STON2: variants seen among roughly 807,000 people sequenced by gnomAD.
The protein encoded by STON2 is stonin 2, also known as stonin-2.
A neutral mutation model predicts 65.7 loss-of-function variants in STON2; 29 were observed. The observed-to-expected ratio is 0.44, with a 90% CI of 0.33 to 0.60. The LOEUF is 0.60. STON2 is among the 20% of genes least tolerant of loss of function. The probability of loss-of-function intolerance (pLI) is 0.03; values close to 1 mark genes in which losing one functional copy is unlikely to be tolerated. For synonymous variants in STON2, 404 were observed against 414.2 expected (o/e 0.98, Z 0.30); for missense variants, 1,054 against 1,118.1 (o/e 0.94, Z 0.82).
chr14:81,391,528 A>G (rs1219143425), intron 3 of STON2, among the ~76,000 whole-genome samples: 2 of 152,190 alleles, frequency 1.3e-5, no homozygotes, highest in Non-Finnish European at 2.9e-5. Flanking sequence ...GTTAAACACA[A>G]TCCATGGGAG....
At chr14:81,272,444 T>C (rs185111581) in intron 6 of STON2, among the ~76,000 whole-genome samples, 1 of 152,302 alleles carries the variant, frequency 6.6e-6, no homozygotes, top group African/African-American at 2.4e-5. Context: ...AACAGCCCCT[T>C]AGTTATCCCA....
At chr14:81,314,490 A>G (rs928979984) in intron 5 of STON2, among the ~76,000 whole-genome samples, 1 of 152,276 alleles carries the variant, frequency 6.6e-6, no homozygotes, top group Non-Finnish European at 1.5e-5. Flanking sequence ...AGCAACAAAG[A>G]GTGAACCAGG....
At chr14:81,429,539 T>A (rs1902139099) in intron 1 of STON2, among the ~76,000 whole-genome samples, 1 of 152,228 alleles carries the variant, frequency 6.6e-6, no homozygotes, top group Admixed American at 6.5e-5. Flanking sequence ...CTGAATGGCT[T>A]CATTTGTAGG....
rs111295780 is a variant in STON2, at chr14:81,406,499, T to A, written c.-198-7919A>T. On this transcript the variant is annotated intron_variant, in intron 2 of 8. Transcript: ENST00000553821. Reference sequence around the variant, plus strand: ...CTGCTTTTGGTCTACAATAGCAGAGTTGAGTAGCTGTGACAGATACTGTAT... The same window carrying A: ...CTGCTTTTGGTCTACAATAGCAGAGATGAGTAGCTGTGACAGATACTGTAT... 8.5e-3 allele frequency among the ~76,000 whole-genome samples: 1,298 copies of A among 152,180 alleles called. 12 individuals are homozygous for A. The highest frequency in any genetic ancestry group is 0.013 in the Non-Finnish European group (867 of 68,010).
chr14:81,430,568 A>G lies in STON2; in HGVS notation c.-309-3356T>C, dbSNP rs1439870257. On this transcript the variant is annotated intron_variant, in intron 1 of 8. Coordinates refer to the STON2 transcript ENST00000553821. Reference sequence around the variant, plus strand: ...TTAGTAGGCAGCCAGCTGGGGTGACAAAGGTTGTACACTATGAATGAAAAA... The same window carrying G: ...TTAGTAGGCAGCCAGCTGGGGTGACGAAGGTTGTACACTATGAATGAAAAA... 2.6e-5 allele frequency among the ~76,000 whole-genome samples: 4 copies of G among 152,194 alleles called. No individual in the cohort carries two copies. In the East Asian group the frequency reaches 7.7e-4, roughly 29 times the overall value.
At chr14:81,304,740 G>A (rs535962194) in intron 5 of STON2, among the ~76,000 whole-genome samples, 1 of 152,224 alleles carries the variant, frequency 6.6e-6, no homozygotes, top group South Asian at 2.1e-4. Context: ...AAAAAGGAAG[G>A]AAGGGAGGGA....
intron 2 of STON2, among the ~76,000 whole-genome samples, chr14:81,422,310 C>T (rs759970894): frequency 1.2e-4 from 18 of 152,164 alleles, no homozygotes; most frequent in Non-Finnish European, 2.2e-4. Context: ...CTTGTTTCTG[C>T]TGTCTTGCTA....
chr14:81,321,390 G>C (rs944938359), intron 5 of STON2, among the ~76,000 whole-genome samples: 8 of 140,474 alleles, frequency 5.7e-5, no homozygotes, highest in African/African-American at 2.2e-4. Flanking sequence ...AAAAAAAAAA[G>C]AATTCCAGAA....
Position 81,277,570 on chromosome 14 carries a change from C to T in STON2, c.1912G>A (p.Gly638Ser). ...ITVDVRDEFS[G>S]IVSKGDNQIL... is the part of the protein sequence containing the mutation. ...TGGTTGTCTCCTTTGCTCACAATGC[C>T]AGAGAATTCATCTCTGACATCCACT... Residue 638 changes from glycine (G) to serine (S), a missense_variant, in exon 6 of 8, where the codon GGC (glycine) becomes AGC (serine). By Grantham distance (56) the Gly-to-Ser change is moderately conservative (BLOSUM62 0). Transcript: ENST00000614646. 6.2e-7 allele frequency: 1 copy of T among 1,614,178 alleles called. No homozygotes were observed. Among genetic ancestry groups the T allele is most frequent in the South Asian group, 1.1e-5 (1 of 91,088 alleles).
At chr14:81,416,252 T>A (rs1288688345) in intron 2 of STON2, among the ~76,000 whole-genome samples, 1 of 152,210 alleles carries the variant, frequency 6.6e-6, no homozygotes, top group African/African-American at 2.4e-5. Flanking sequence ...TTACCATTAT[T>A]ATTTCTACCC....
chr14:81,405,460 G>GTT (rs376505307), intron 2 of STON2, among the ~76,000 whole-genome samples: 1,679 of 63,310 alleles, frequency 0.027, 67 homozygotes, highest in South Asian at 0.06. Flanking sequence ...AGTTACTATT[G>GTT]TTTTTTTTTT....
chr14:81,414,688 C>A (rs554976651), intron 2 of STON2, among the ~76,000 whole-genome samples: 1 of 151,928 alleles, frequency 6.6e-6, no homozygotes, highest in Non-Finnish European at 1.5e-5. Flanking sequence ...ATGTCCTCTA[C>A]GATAACTCTG....
intron 5 of STON2, among the ~76,000 whole-genome samples, chr14:81,308,636 T>G (rs1896273918): frequency 6.6e-6 from 1 of 151,742 alleles, no homozygotes; most frequent in African/African-American, 2.4e-5. Flanking sequence ...GCTACAACTC[T>G]ACGTCCATCC....
At chr14:81,408,720 A>G (rs1566947670) in intron 2 of STON2, among the ~76,000 whole-genome samples, 1 of 152,254 alleles carries the variant, frequency 6.6e-6, no homozygotes, top group East Asian at 1.9e-4. Flanking sequence ...ATGGCCCCAC[A>G]TTCAGAGTCA....
Position 81,266,612 on chromosome 14 carries a change from C to G in STON2, c.*1802G>C, listed in dbSNP as rs1023235574. 6 of 927,920 alleles carry G rather than the reference C, an allele frequency of 6.5e-6. No homozygotes were observed. The African/African-American group carries it at 8.9e-5, about 14-fold the overall frequency. The allele number at this position is 927,920 out of a possible 1,614,324, so 57.5% of individuals were successfully genotyped here. A position where few individuals can be genotyped will look rare whatever the true frequency, so the allele number is the denominator to read the frequency against. The stretch of plus-strand genomic sequence containing the variant: ...ATGATACCCATAATTGAACTCAACC[C>G]TCCATTTAGATATGGACTAGATGGA... On this transcript the variant is annotated 3_prime_UTR_variant, in exon 8 of 8. Transcript: ENST00000614646.
chr14:81,352,089 CAA>C (rs1342828531), intron 4 of STON2, among the ~76,000 whole-genome samples: 1 of 152,076 alleles, frequency 6.6e-6, no homozygotes, highest in African/African-American at 2.4e-5. Flanking sequence ...TCTGATATAA[CAA>C]TATCAGCACT....
intron 2 of STON2, among the ~76,000 whole-genome samples, chr14:81,417,587 A>T (rs1300481109): frequency 6.6e-6 from 1 of 152,198 alleles, no homozygotes; most frequent in East Asian, 1.9e-4. Flanking sequence ...GGTCCCTTAA[A>T]CTGTGCAATT....
intron 4 of STON2, among the ~76,000 whole-genome samples, chr14:81,359,030 A>G (rs1898376500): frequency 6.6e-6 from 1 of 152,184 alleles, no homozygotes; most frequent in South Asian, 2.1e-4. Flanking sequence ...AACACTTTAG[A>G]CCAAATGGAC....
At position 81,274,746 on chromosome 14, in the gene STON2, G is replaced by A. The variant is rs375179922; in HGVS notation, c.2581+2155C>T. On this transcript the variant is annotated intron_variant, in intron 6 of 7. Transcript: ENST00000614646. ...AGGTCAGGAGTTTGAGACCAGTCTG[G>A]CCAACATGGTGAAAACCTGTCTCTA... 8.7e-4 allele frequency among the ~76,000 whole-genome samples: 132 copies of A among 152,030 alleles called. 1 individual carries two copies. The highest frequency in any genetic ancestry group is 1.9e-3 in the East Asian group (10 of 5,148).
Sources: allele counts gnomAD v4.1 joint callset (sites outside exome capture counted in the v4.1 genomes callset), GRCh38; gene constraint gnomAD v4.1.1; transcripts MANE v1.5; gene names NCBI Gene and HGNC (gene_info 2026-07-23, HGNC 2026-07-21).